TKTL1: variants seen among roughly 807,000 people sequenced by gnomAD.
The protein encoded by TKTL1 is transketolase like 1.
TKTL1 carries 1 observed loss-of-function variant against 39.3 expected under a neutral mutation model. The ratio of observed to expected loss-of-function variants is 0.03; its 90% CI spans 0.01 to 0.12. The LOEUF (loss-of-function observed/expected upper bound fraction) is 0.12. Among genes scored for constraint, TKTL1 ranks in the 10% least tolerant of loss-of-function variants. The probability of loss-of-function intolerance (pLI) is 1.00; values close to 1 mark genes in which losing one functional copy is unlikely to be tolerated. For synonymous variants in TKTL1, 262 were observed against 193.8 expected (o/e 1.35, Z -2.92); for missense variants, 575 against 509.6 (o/e 1.13, Z -1.24).
At chrX:154,305,518 T>A in intron 2 of TKTL1, 97 bp downstream of exon 2, 1 of 1,029,977 alleles carries the variant, frequency 9.7e-7, no homozygotes, top group Non-Finnish European at 1.3e-6. Flanking sequence ...ATGGGCCTCG[T>A]TTATTATTTT....
intron 2 of TKTL1, among the ~76,000 whole-genome samples, chrX:154,306,277 C>G (rs911384377): frequency 8.9e-6 from 1 of 112,130 alleles, no homozygotes; most frequent in African/African-American, 3.2e-5. Context: ...CCACTGCACT[C>G]CAGCCTGGGC....
In TKTL1 at chrX:154,300,654, A is replaced by C. The variant is rs187997415; in HGVS notation, c.135-4650A>C. Reference sequence around the variant, plus strand: ...TGAGACTACTGAATTTGTTCATCAGATCTAAGAGTCTTTTGGATGAGTCTT... The same window carrying C: ...TGAGACTACTGAATTTGTTCATCAGCTCTAAGAGTCTTTTGGATGAGTCTT... On this transcript the variant is annotated intron_variant, in intron 1 of 12. Transcript: ENST00000369915. Among the ~76,000 whole-genome samples, 299 of 111,513 alleles carry C rather than the reference A, an allele frequency of 2.7e-3. 3 individuals carry two copies. Among genetic ancestry groups the C allele is most frequent in the African/African-American group, 6.6e-3 (202 of 30,615 alleles).
intron 10 of TKTL1, chrX:154,327,274 G>T (rs1414294843): frequency 4.6e-6 from 2 of 435,818 alleles, no homozygotes; most frequent in East Asian, 5.4e-5. Context: ...AGCACTCAGC[G>T]TGTTGCCAAT....
rs145236754 is a variant in TKTL1 at position 154,327,680 on chromosome X, G to A, written c.1491G>A (p.Ser497=). 1.5e-5 allele frequency: 18 copies of A among 1,208,530 alleles called. No individual in the cohort carries two copies. The highest frequency in any genetic ancestry group is 2.3e-4 in the Middle Eastern group (1 of 4,351). The change falls in exon 11 of 13, where the codon TCG becomes TCA. Residue 497 remains serine (S), a synonymous_variant. Transcript: ENST00000369915. ...CCTTAGCAGCTGCTGATGAGCTTTC[G>A]AAACAAGGTCAGTTGGTTGAGTATG... is the stretch of plus-strand genomic sequence containing the variant. ...YEALAAADEL[S]KQDIFIRVID...
At chrX:154,304,194 C>G (rs1264360116) in intron 1 of TKTL1, among the ~76,000 whole-genome samples, 6 of 111,133 alleles carry the variant, frequency 5.4e-5, no homozygotes, top group Middle Eastern at 9.2e-3. Flanking sequence ...CTTGAGTTTT[C>G]TCTCACTGAG....
intron 2 of TKTL1, 145 bp downstream of exon 2, chrX:154,305,566 T>A: frequency 1.4e-6 from 1 of 711,569 alleles, no homozygotes; most frequent in Non-Finnish European, 2.0e-6. Context: ...TCGAGTGTTC[T>A]AGTGAGGGCC....
At chrX:154,305,537 TTTC>T (rs2067308650) in intron 2 of TKTL1, 116 bp downstream of exon 2, 1 of 920,010 alleles carries the variant, frequency 1.1e-6, no homozygotes, top group Admixed American at 2.9e-5. Context: ...TTGGTTCTTC[TTTC>T]TTTGCATCTT....
intron 6 of TKTL1, among the ~76,000 whole-genome samples, chrX:154,314,201 G>A (rs1167351875): frequency 3.6e-5 from 4 of 110,393 alleles, no homozygotes; most frequent in African/African-American, 1.3e-4. Flanking sequence ...TTTCTAAACT[G>A]TTTCAAATTT....
chrX:154,300,833 C>T (rs1471802509), intron 1 of TKTL1, among the ~76,000 whole-genome samples: 1 of 110,524 alleles, frequency 9.0e-6, no homozygotes, highest in Non-Finnish European at 1.9e-5. Context: ...GCTGGGACTA[C>T]AGGTGTGTGC....
At chrX:154,314,533 A>T (rs1271171326) in intron 6 of TKTL1, among the ~76,000 whole-genome samples, 1 of 107,727 alleles carries the variant, frequency 9.3e-6, no homozygotes, top group Non-Finnish European at 1.9e-5. Flanking sequence ...AAAACTCAAC[A>T]TTTTTTTTTT....
At chrX:154,325,472 G>C (rs1557171751) in intron 10 of TKTL1, 50 bp downstream of exon 10, 5 of 1,018,186 alleles carry the variant, frequency 4.9e-6, no homozygotes, top group East Asian at 3.0e-5. Flanking sequence ...CCTGTAAAAA[G>C]AACACTTCTG....
intron 1 of TKTL1, among the ~76,000 whole-genome samples, chrX:154,300,292 C>G (rs1326629532): frequency 3.6e-5 from 4 of 112,096 alleles, no homozygotes; most frequent in African/African-American, 1.3e-4. Context: ...GGATTACAGG[C>G]GTGAGCCACC....
chrX:154,299,134 A>AT (rs1200716643), intron 1 of TKTL1, among the ~76,000 whole-genome samples: 6 of 75,131 alleles, frequency 8.0e-5, no homozygotes, highest in Non-Finnish European at 1.3e-4. Context: ...GGGATTTTTC[A>AT]TTTTCTTTTT....
At chrX:154,322,071 T>C (rs908400977) in intron 8 of TKTL1, among the ~76,000 whole-genome samples, 2 of 109,224 alleles carry the variant, frequency 1.8e-5, no homozygotes. Flanking sequence ...CCATCTCTAC[T>C]GAAAATAGAA....
intron 5 of TKTL1, 52 bp downstream of exon 5, chrX:154,311,290 C>A: frequency 8.3e-7 from 1 of 1,203,933 alleles, no homozygotes; most frequent in Non-Finnish European, 1.1e-6. Flanking sequence ...TCTGTCCGCT[C>A]AGCAGCAGAG....
At chrX:154,323,695 C>T (rs1304887918) in intron 9 of TKTL1, among the ~76,000 whole-genome samples, 6 of 112,194 alleles carry the variant, frequency 5.3e-5, no homozygotes, top group Admixed American at 3.8e-4. Context: ...TGTTAGTCTC[C>T]AGTGGCTGCA....
At chrX:154,314,687 G>C (rs1179990161) in intron 6 of TKTL1, among the ~76,000 whole-genome samples, 2 of 110,977 alleles carry the variant, frequency 1.8e-5, no homozygotes, top group Non-Finnish European at 3.8e-5. Context: ...ATCATGCCCA[G>C]CTAATTTTTG....
Position 154,330,008 on chromosome X carries a change from C to T in TKTL1, c.*320C>T, listed in dbSNP as rs1557172898. ...AAGTGGTAGAGGTAATCAATTCTTC[C>T]GAAGTGTTTCCTTCGTGAATAACTG... On this transcript the variant is annotated 3_prime_UTR_variant, in exon 13 of 13. Transcript: ENST00000369915. 3.7e-5 allele frequency: 7 copies of T among 191,439 alleles called. No homozygotes were observed. The highest frequency in any genetic ancestry group is 2.9e-5 in the African/African-American group (1 of 34,032). The allele number at this position is 191,439 out of a possible 1,213,427, so 15.8% of individuals were successfully genotyped here. A position where few individuals can be genotyped will look rare whatever the true frequency, so the allele number is the denominator to read the frequency against.
Position 154,320,830 on chromosome X carries a change from C to T in TKTL1, c.1103C>T (p.Thr368Ile), listed in dbSNP as rs782297564. 3.3e-6 allele frequency: 4 copies of T among 1,209,447 alleles called. No homozygotes were observed. The highest frequency in any genetic ancestry group is 5.9e-5 in the East Asian group (2 of 33,761). ...AFASTFAAFL[T>I]RAFDHIRIGG... is the part of the protein sequence containing the mutation. ...GCTAGCACCTTTGCTGCCTTTCTGA[C>T]TCGAGCATTTGATCACATCCGGATA... Residue 368 changes from threonine to isoleucine, a missense_variant, in exon 8 of 13, where the codon ACT becomes ATT. Coordinates refer to ENST00000369915, the MANE Select transcript of TKTL1 (RefSeq NM_012253.4).
Sources: gnomAD v4.1 joint callset for allele counts (sites outside exome capture counted in the v4.1 genomes callset) on GRCh38, gnomAD v4.1.1 for gene constraint, MANE v1.5 for transcripts, NCBI Gene and HGNC (gene_info 2026-07-23, HGNC 2026-07-21) for gene names.